ZNF140: variants seen among roughly 807,000 people sequenced by gnomAD.
The protein encoded by ZNF140 is zinc finger protein 140 (clone pHZ-39).
ZNF140 carries 13 observed loss-of-function variants against 12.9 expected under a neutral mutation model. The ratio of observed to expected loss-of-function variants is 1.01; its 90% CI spans 0.66 to 1.60. ZNF140 has a LOEUF of 1.60. ZNF140 is among the 40% of genes most tolerant of loss of function. ZNF140 has a pLI of 0.00. For missense variants in ZNF140, 531 were observed against 548.8 expected, an observed-to-expected ratio of 0.97 and a Z score of 0.32; for synonymous variants, 214 against 186.7, an observed-to-expected ratio of 1.15 and a Z score of -1.19.
intron 2 of ZNF140, 136 bp from the exon 3 acceptor site, chr12:133,082,967 C>T: frequency 1.5e-6 from 2 of 1,320,306 alleles, no homozygotes; most frequent in African/African-American, 1.5e-5. Context: ...TATATAATTA[C>T]TCAGAATTCT....
intron 4 of ZNF140, among the ~76,000 whole-genome samples, chr12:133,097,305 T>C (rs1484746281): frequency 1.3e-5 from 2 of 152,176 alleles, no homozygotes; most frequent in Non-Finnish European, 2.9e-5. Context: ...TCTGACAATG[T>C]CTTAAGTTAG....
intron 4 of ZNF140, among the ~76,000 whole-genome samples, chr12:133,104,073 G>A (rs1955469445): frequency 2.0e-5 from 3 of 152,284 alleles, no homozygotes; most frequent in Non-Finnish European, 4.4e-5. Context: ...AAAGCTTACT[G>A]TGAGAGCAAT....
intron 4 of ZNF140, among the ~76,000 whole-genome samples, chr12:133,091,695 A>G (rs2137522419): frequency 6.6e-6 from 1 of 151,008 alleles, no homozygotes; most frequent in South Asian, 2.1e-4. Context: ...TAATAGTGGA[A>G]TTTCCAGTGG....
chr12:133,081,119 G>T, intron 1 of ZNF140, 47 bp downstream of exon 1: 1 of 272,658 alleles, frequency 3.7e-6, no homozygotes. Context: ...GAGAAAGCCG[G>T]CGCCAGTGGT....
At chr12:133,093,443 C>T (rs1954963311) in intron 4 of ZNF140, 1 of 699,846 alleles carries the variant, frequency 1.4e-6, no homozygotes, top group Non-Finnish European at 2.6e-6. Flanking sequence ...GTGTCAGCTT[C>T]TTTAGCTGGG....
At chr12:133,083,437 C>A in intron 3 of ZNF140, 29 bp from the exon 4 acceptor site, 1 of 1,598,122 alleles carries the variant, frequency 6.3e-7, no homozygotes, top group Non-Finnish European at 8.5e-7. Flanking sequence ...AATGACTGAT[C>A]TTGAATTTAT....
intron 4 of ZNF140, among the ~76,000 whole-genome samples, chr12:133,092,373 TA>T (rs1954924906): frequency 6.6e-6 from 1 of 151,200 alleles, no homozygotes; most frequent in African/African-American, 2.5e-5. Flanking sequence ...GTAAACAATC[TA>T]CAATTTTCAC....
chr12:133,105,938 G>A lies in ZNF140; in HGVS notation c.661G>A (p.Asp221Asn). 6.2e-7 allele frequency: 1 copy of A among 1,614,098 alleles called. No individual in the cohort carries two copies. Among genetic ancestry groups the A allele is most frequent in the Non-Finnish European group, 8.5e-7 (1 of 1,180,028 alleles). Reference protein sequence around the residue: ...HTGKKPHECKDCNKTFSYLSF... With the variant: ...HTGKKPHECKNCNKTFSYLSF... ...TGGAAAGAAACCCCATGAGTGTAAG[G>A]ACTGTAATAAAACATTCAGTTACCT... The change falls in exon 5 of 5, where the codon GAC (aspartate) becomes AAC (asparagine). Residue 221 changes from aspartate (D) to asparagine (N), a missense_variant. Physicochemically the swap from Asp to Asn is conservative, Grantham distance 23. Transcript: ENST00000355557.
chr12:133,088,598 A>C (rs995879067), intron 4 of ZNF140, among the ~76,000 whole-genome samples: 1 of 152,208 alleles, frequency 6.6e-6, no homozygotes, highest in Non-Finnish European at 1.5e-5. Context: ...ATAAGTTTTC[A>C]TTTCATTTGG....
chr12:133,088,490 T>A (rs1341930158), intron 4 of ZNF140, among the ~76,000 whole-genome samples: 3 of 152,244 alleles, frequency 2.0e-5, no homozygotes, highest in Admixed American at 2.0e-4. Context: ...TGTACTGCAG[T>A]TTACTTATAT....
chr12:133,084,095 C>T (rs1436796956), intron 4 of ZNF140: 1 of 412,698 alleles, frequency 2.4e-6, no homozygotes, highest in Non-Finnish European at 4.7e-6. Flanking sequence ...TCACCTTATA[C>T]TTTCTTTTCT....
chr12:133,088,770 G>C (rs916704042), intron 4 of ZNF140, among the ~76,000 whole-genome samples: 2 of 152,234 alleles, frequency 1.3e-5, no homozygotes, highest in African/African-American at 2.4e-5. Context: ...ATCACGATTG[G>C]TTGTTGGATT....
At chr12:133,089,515 C>T (rs1251171112) in intron 4 of ZNF140, among the ~76,000 whole-genome samples, 1 of 152,008 alleles carries the variant, frequency 6.6e-6, no homozygotes, top group Non-Finnish European at 1.5e-5. Flanking sequence ...CACGCAGCCT[C>T]ATTTGATTTC....
At chr12:133,100,841 G>A (rs961414196) in intron 4 of ZNF140, 8 of 259,464 alleles carry the variant, frequency 3.1e-5, no homozygotes, top group African/African-American at 1.1e-4. Context: ...GGTAGCATTC[G>A]CAGCATAGAT....
intron 4 of ZNF140, among the ~76,000 whole-genome samples, chr12:133,089,437 T>C (rs1954783706): frequency 1.3e-5 from 2 of 152,022 alleles, no homozygotes; most frequent in Non-Finnish European, 2.9e-5. Context: ...TAGTCTTGAA[T>C]TCCTAGGTTC....
chr12:133,093,295 G>T (rs755604510), intron 4 of ZNF140: 2 of 603,564 alleles, frequency 3.3e-6, no homozygotes, highest in Non-Finnish European at 5.9e-6. Context: ...CATAGGCCCA[G>T]TAAGTATAGT....
intron 4 of ZNF140, among the ~76,000 whole-genome samples, chr12:133,100,075 A>C (rs1301785859): frequency 1.3e-5 from 2 of 151,868 alleles, no homozygotes; most frequent in Non-Finnish European, 2.9e-5. Flanking sequence ...GATGCCTGAA[A>C]ATGCAGATAG....
At chr12:133,091,518 A>G (rs1954890876) in intron 4 of ZNF140, among the ~76,000 whole-genome samples, 1 of 150,646 alleles carries the variant, frequency 6.6e-6, no homozygotes, top group Non-Finnish European at 1.5e-5. Flanking sequence ...GCACAGTGAC[A>G]GTCTGATCTC....
chr12:133,085,026 CT>C (rs1299621365), intron 4 of ZNF140, among the ~76,000 whole-genome samples: 2,381 of 145,198 alleles, frequency 0.016, 33 homozygotes, highest in East Asian at 0.08. Context: ...AATTCTACTA[CT>C]TTTTTTTTTT....
Sources: allele counts gnomAD v4.1 joint callset (sites outside exome capture counted in the v4.1 genomes callset), GRCh38; gene constraint gnomAD v4.1.1; transcripts MANE v1.5; gene names NCBI Gene and HGNC (gene_info 2026-07-23, HGNC 2026-07-21).